Variants in RUNX1 observed in about 807,000 individuals in gnomAD.
RUNX1 encodes runt-related transcription factor 1.
A neutral mutation model predicts 42.8 loss-of-function variants in RUNX1; 19 were observed. The ratio of observed to expected loss-of-function variants is 0.44; its 90% CI spans 0.31 to 0.65. RUNX1 has a LOEUF of 0.65. RUNX1 is among the 30% of genes least tolerant of loss of function. The probability of loss-of-function intolerance (pLI) is 0.07; values close to 1 mark genes in which losing one functional copy is unlikely to be tolerated. For missense variants in RUNX1, 528 were observed against 672.0 expected (o/e 0.79, Z 2.37); for synonymous variants, 271 against 289.4 (o/e 0.94, Z 0.64).
Position 34,792,082 on chromosome 21 carries a change from CCCGGAGGCGAAGGCGGCGGCCCGCGGGG to C in RUNX1, c.*25_*52del. The C allele has an allele frequency of 1.7e-6, 2 of 1,176,512 alleles. No homozygotes were observed. Among genetic ancestry groups the C allele is most frequent in the Non-Finnish European group, 1.1e-6 (1 of 914,244 alleles). 72.9% of individuals were successfully genotyped at this position (1,176,512 alleles called of 1,614,324 possible). On this transcript the variant is annotated 3_prime_UTR_variant, in exon 9 of 9. Coordinates refer to ENST00000675419, the MANE Select transcript of RUNX1 (RefSeq NM_001754.5). This position sits in a 1 kb window ranked among gnomAD's most constrained non-coding sequence, Gnocchi z 6.9. ...TTGTCGCGAACAGGAGGCCCGCGCG[CCCGGAGGCGAAGGCGGCGGCCCGCGGGG>C]CCCAGCCGGGCCAGGCCTGGCGCCT... is the stretch of plus-strand genomic sequence containing the variant.
chr21:35,041,056 G>T (rs2059355374), intron 2 of RUNX1, among the ~76,000 whole-genome samples: 1 of 152,192 alleles, frequency 6.6e-6, no homozygotes, highest in African/African-American at 2.4e-5. Flanking sequence ...CTGCTCTGTG[G>T]TGTTGCTCTC....
intron 2 of RUNX1, among the ~76,000 whole-genome samples, chr21:34,991,544 CGAT>C (rs10578831): frequency 0.67 from 100,990 of 150,972 alleles, 33,953 homozygotes; most frequent in African/African-American, 0.71. Flanking sequence ...GCAGGGATTA[CGAT>C]GATGATGATG....
At position 34,792,288 on chromosome 21, in the gene RUNX1, C is replaced by T. The variant is rs1336841746; in HGVS notation, c.1290G>A (p.Pro430=). 15 of 1,539,986 alleles carry T rather than the reference C, an allele frequency of 9.7e-6. No homozygotes were observed. The highest frequency in any genetic ancestry group is 1.3e-5 in the Non-Finnish European group (15 of 1,145,466). Reference sequence around the variant, plus strand: ...AGCCGGTGGAGGCGTTGGTGCAGGGCGGCAGGATGCGCGGCGGCGAGCGCT... The same window carrying T: ...AGCCGGTGGAGGCGTTGGTGCAGGGTGGCAGGATGCGCGGCGGCGAGCGCT... The part of the protein sequence containing the change: ...GGERSPPRIL[P]PCTNASTGSA... The change falls in exon 9 of 9, where the codon CCG becomes CCA. Residue 430 remains proline (P), a synonymous_variant. Coordinates refer to ENST00000675419, the MANE Select transcript of RUNX1 (RefSeq NM_001754.5). This position sits in a 1 kb window ranked among gnomAD's most constrained non-coding sequence, Gnocchi z 6.9.
At chr21:34,830,341 A>C (rs919465529) in intron 7 of RUNX1, among the ~76,000 whole-genome samples, 2 of 152,158 alleles carry the variant, frequency 1.3e-5, no homozygotes, top group African/African-American at 4.8e-5. Context: ...CATTATTCTG[A>C]GTTTTCTTTT....
rs1188609077 is a variant in RUNX1 at position 34,926,461 on chromosome 21, CAAAAAAA to C, written c.59-33505_59-33499del. On this transcript the variant is annotated intron_variant, in intron 2 of 8. Transcript: ENST00000675419. ...TGGGCAACAGAGTGAGACCCAGTCTCAAAAAAAAAAAAAAAAAAAAAAAAGACAGCAC... is the reference window on the plus strand; with the variant it reads ...TGGGCAACAGAGTGAGACCCAGTCTCAAAAAAAAAAAAAAAAAGACAGCAC... Among the ~76,000 whole-genome samples the C allele has an allele frequency of 1.5e-3, 11 of 7,148 alleles. No individual in the cohort carries two copies. In the Admixed American group the frequency reaches 0.026, roughly 17 times the overall value. 4.7% of individuals were successfully genotyped at this position (7,148 alleles called of 152,430 possible).
chr21:34,888,293 A>T, intron 3 of RUNX1: 1 of 1,067,576 alleles, frequency 9.4e-7, no homozygotes, highest in African/African-American at 1.6e-5. Context: ...GCGCAGATCG[A>T]AACAGATCGG....
At chr21:35,026,702 T>A (rs527604702) in intron 2 of RUNX1, among the ~76,000 whole-genome samples, 81 of 152,294 alleles carry the variant, frequency 5.3e-4, no homozygotes, top group African/African-American at 1.9e-3. Flanking sequence ...GATCCATCCC[T>A]CATGGCGGAG....
At chr21:34,941,479 G>A (rs1449047411) in intron 2 of RUNX1, among the ~76,000 whole-genome samples, 6 of 151,832 alleles carry the variant, frequency 4.0e-5, no homozygotes, top group Admixed American at 2.0e-4. Context: ...TACACAGAGA[G>A]CCTGGCTGTG....
intron 2 of RUNX1, among the ~76,000 whole-genome samples, chr21:34,946,001 C>T (rs537492802): frequency 5.9e-5 from 9 of 152,160 alleles, no homozygotes; most frequent in Non-Finnish European, 8.8e-5. Context: ...GGTTTGGATG[C>T]GTTCTCCTGT....
chr21:34,813,700 T>C (rs562540805), intron 7 of RUNX1, among the ~76,000 whole-genome samples: 1 of 152,162 alleles, frequency 6.6e-6, no homozygotes, highest in East Asian at 1.9e-4. Context: ...AGGCTAGCAC[T>C]TGCCTCTCCT....
chr21:34,873,575 G>C (rs1418412289), intron 5 of RUNX1, among the ~76,000 whole-genome samples: 1 of 152,214 alleles, frequency 6.6e-6, no homozygotes, highest in South Asian at 2.1e-4. Flanking sequence ...CGCATTTTCA[G>C]TCTAGCAGCA....
intron 2 of RUNX1, among the ~76,000 whole-genome samples, chr21:35,032,342 C>A (rs548047744): frequency 6.6e-6 from 1 of 152,272 alleles, no homozygotes; most frequent in African/African-American, 2.4e-5. Flanking sequence ...AGTTATTTAG[C>A]AAACCTCTTC....
intron 2 of RUNX1, among the ~76,000 whole-genome samples, chr21:34,975,568 T>TG (rs2058795613): frequency 1.3e-5 from 2 of 152,206 alleles, no homozygotes; most frequent in Non-Finnish European, 2.9e-5. Context: ...AGAGGGGTCC[T>TG]GAAACCAATA....
rs188669872 is a variant in RUNX1, at chr21:34,846,307, C to A, written c.614-11706G>T. On this transcript the variant is annotated intron_variant, in intron 6 of 8. Transcript: ENST00000675419. ...GGCGTGGACCTTCATTCATCTCTTT[C>A]CCCGGCCTGGGGTTGATCCATTCTC... 3.0e-3 allele frequency among the ~76,000 whole-genome samples: 449 copies of A among 148,102 alleles called. 1 individual carries two copies. The highest frequency in any genetic ancestry group is 0.01 in the African/African-American group (420 of 40,108).
chr21:34,949,690 GAGGCTGTGCTA>G (rs1378940980), intron 2 of RUNX1, among the ~76,000 whole-genome samples: 3 of 152,278 alleles, frequency 2.0e-5, no homozygotes, highest in African/African-American at 7.2e-5. Context: ...CAGGCTGATA[GAGGCTGTGCTA>G]AGATTGCCGT....
intron 2 of RUNX1, among the ~76,000 whole-genome samples, chr21:34,908,317 G>C (rs780424463): frequency 6.6e-6 from 1 of 152,098 alleles, no homozygotes; most frequent in Non-Finnish European, 1.5e-5. Context: ...GTGTCAATCA[G>C]GAAGGTATTT....
chr21:34,948,730 C>A (rs1163556292), intron 2 of RUNX1, among the ~76,000 whole-genome samples: 1 of 152,108 alleles, frequency 6.6e-6, no homozygotes, highest in Admixed American at 6.5e-5. Context: ...AGGGGATGTG[C>A]AGAATTTCTT....
At position 34,789,604 on chromosome 21, in the gene RUNX1, G is replaced by A. The variant is rs112662011; in HGVS notation, c.*2531C>T. 1.4e-4 allele frequency: 32 copies of A among 224,818 alleles called. No homozygotes were observed. Among genetic ancestry groups the A allele is most frequent in the South Asian group, 5.6e-4 (3 of 5,390 alleles). The allele number at this position is 224,818 out of a possible 1,614,324, so 13.9% of individuals were successfully genotyped here. ...ATTTTTCACACACACACACACACAC[G>A]CACACACACACACATACAAAAATGT... On this transcript the variant is annotated 3_prime_UTR_variant, in exon 9 of 9. Coordinates refer to ENST00000675419, the MANE Select transcript of RUNX1 (RefSeq NM_001754.5).
intron 2 of RUNX1, among the ~76,000 whole-genome samples, chr21:35,008,481 G>T (rs2059101868): frequency 6.6e-6 from 1 of 152,196 alleles, no homozygotes; most frequent in African/African-American, 2.4e-5. Context: ...CGATGCTCAG[G>T]CTTGTCTCAG....
Sources: allele counts gnomAD v4.1 joint callset (sites outside exome capture counted in the v4.1 genomes callset), GRCh38; gene constraint gnomAD v4.1.1; non-coding constraint Gnocchi (gnomAD v3.1); transcripts MANE v1.5; gene names NCBI Gene and HGNC (gene_info 2026-07-23, HGNC 2026-07-21).